CCDC150: variants seen among roughly 807,000 people sequenced by gnomAD.
CCDC150 encodes the protein coiled-coil domain-containing protein 150.
Under a neutral mutation model 156.5 loss-of-function variants are expected in CCDC150, and 151 were observed. The ratio of observed to expected loss-of-function variants is 0.97; its 90% CI spans 0.85 to 1.10. CCDC150 has a LOEUF of 1.10. Among genes scored for constraint, CCDC150 ranks in the 50% least tolerant of loss-of-function variants. CCDC150 has a pLI of 0.00. For missense variants in CCDC150, 1,312 were observed against 1,268.1 expected, an observed-to-expected ratio of 1.03 and a Z score of -0.53; for synonymous variants, 452 against 429.4, an observed-to-expected ratio of 1.05 and a Z score of -0.65.
chr2:196,691,466 G>C (rs1695468053), intron 13 of CCDC150, among the ~76,000 whole-genome samples: 1 of 151,894 alleles, frequency 6.6e-6, no homozygotes, highest in African/African-American at 2.4e-5. Flanking sequence ...GAATTTATCT[G>C]TTTCTTCTAT....
chr2:196,720,324 T>C, intron 19 of CCDC150: 1 of 448,372 alleles, frequency 2.2e-6, no homozygotes, highest in Non-Finnish European at 4.2e-6. Context: ...TTTTAAAAGG[T>C]CAAGGGAATG....
At chr2:196,692,385 C>A (rs891767648) in intron 13 of CCDC150, among the ~76,000 whole-genome samples, 1 of 151,776 alleles carries the variant, frequency 6.6e-6, no homozygotes, top group African/African-American at 2.4e-5. Context: ...CCACCCGCCT[C>A]AGCCTCCCAA....
chr2:196,677,411 G>A, intron 13 of CCDC150, 50 bp downstream of exon 13: 1 of 1,160,068 alleles, frequency 8.6e-7, no homozygotes, highest in Non-Finnish European at 1.3e-6. Context: ...CTTCTGTATT[G>A]CTGACTACCG....
chr2:196,698,142 T>A (rs1418531012), intron 14 of CCDC150, among the ~76,000 whole-genome samples: 1 of 152,216 alleles, frequency 6.6e-6, no homozygotes, highest in Non-Finnish European at 1.5e-5. Context: ...GGTTTCTAAT[T>A]TCTTGTCTCC....
intron 21 of CCDC150, 116 bp downstream of exon 21, chr2:196,721,807 T>A: frequency 1.2e-6 from 1 of 831,012 alleles, no homozygotes; most frequent in Non-Finnish European, 1.8e-6. Context: ...TACTTTGCCC[T>A]AGTACTTCCA....
At position 196,672,424 on chromosome 2, in the gene CCDC150, C is replaced by A; in HGVS notation, c.1016C>A (p.Ser339Ter). The change falls in exon 9 of 28, where the codon TCA (serine) becomes TAA (stop). Residue 339 changes from serine (S) to a stop codon, truncating the protein, a stop_gained. Transcript: ENST00000389175. LOFTEE classifies it high-confidence loss of function. The part of the protein sequence containing the change: ...RSEIMSLHEA[S>*]EKAQVLNDQL... ...GAAATAATGTCTCTTCATGAAGCATCAGAAAAAGCACAAGTAAATGCTCAT... is the reference window on the plus strand; with the variant it reads ...GAAATAATGTCTCTTCATGAAGCATAAGAAAAAGCACAAGTAAATGCTCAT... The A allele has an allele frequency of 1.3e-6, 2 of 1,508,914 alleles. No homozygotes were observed. The highest frequency in any genetic ancestry group is 1.8e-6 in the Non-Finnish European group (2 of 1,127,756). The allele number at this position is 1,508,914 out of a possible 1,614,324, so 93.5% of individuals were successfully genotyped here.
chr2:196,729,793 CA>C lies in CCDC150; in HGVS notation c.2755del (p.Ile919Ter). The part of the protein sequence containing the change: ...NNAQNIERMK[Q>X]IEKELKQMEL... ...TATGTTATTTTCCAATTACTTTTAGCAAATAGAAAAAGAATTGAAGCAAATG... is the reference window on the plus strand; with the variant it reads ...TATGTTATTTTCCAATTACTTTTAGCAATAGAAAAAGAATTGAAGCAAATG... On this transcript the variant is annotated frameshift_variant and splice_region_variant, in exon 24 of 28. Transcript: ENST00000389175. LOFTEE classifies it high-confidence loss of function. 6.4e-7 allele frequency: 1 copy of C among 1,554,624 alleles called. No homozygotes were observed.
intron 13 of CCDC150, among the ~76,000 whole-genome samples, chr2:196,682,233 AG>A (rs1559238949): frequency 6.6e-6 from 1 of 152,054 alleles, no homozygotes; most frequent in Non-Finnish European, 1.5e-5. Flanking sequence ...TCTATGGAAT[AG>A]TTTTCACTCC....
At chr2:196,656,512 T>G in intron 2 of CCDC150, 121 bp from the exon 3 acceptor site, 1 of 676,980 alleles carries the variant, frequency 1.5e-6, no homozygotes, top group Non-Finnish European at 2.5e-6. Flanking sequence ...AAGCCTGCCA[T>G]GTTGGTGATG....
At chr2:196,722,809 G>C (rs569011964) in intron 21 of CCDC150, among the ~76,000 whole-genome samples, 1 of 152,098 alleles carries the variant, frequency 6.6e-6, no homozygotes, top group Non-Finnish European at 1.5e-5. Flanking sequence ...TTGTTTCAAA[G>C]CCTGAAAATT....
rs764798345 is a variant in CCDC150 at position 196,695,155 on chromosome 2, A to G, written c.1619A>G (p.His540Arg). Residue 540 changes from histidine to arginine, a missense_variant, in exon 14 of 28, where the codon CAT becomes CGT. By Grantham distance (29) the His-to-Arg change is conservative. Transcript: ENST00000389175. ...LELQQVTSDYHGLAQQKVEKI... is the reference protein window; with the variant it reads ...LELQQVTSDYRGLAQQKVEKI... Reference sequence around the variant, plus strand: ...CTTCAGCAAGTCACTTCTGATTACCATGGGGTGGGTATAAAAAGATCAGTC... The same window carrying G: ...CTTCAGCAAGTCACTTCTGATTACCGTGGGGTGGGTATAAAAAGATCAGTC... 1 of 1,567,982 alleles carries G rather than the reference A, an allele frequency of 6.4e-7. No individual in the cohort carries two copies. Among genetic ancestry groups the G allele is most frequent in the Non-Finnish European group, 8.8e-7 (1 of 1,139,240 alleles).
Position 196,656,841 on chromosome 2 carries a change from C to G in CCDC150, c.385C>G (p.Pro129Ala), listed in dbSNP as rs1399112749. 2 of 1,613,596 alleles carry G rather than the reference C, an allele frequency of 1.2e-6. No homozygotes were observed. Among genetic ancestry groups the G allele is most frequent in the South Asian group, 1.1e-5 (1 of 91,068 alleles). The change falls in exon 3 of 28, where the codon CCT becomes GCT. Residue 129 changes from proline to alanine, a missense_variant. By Grantham distance (27) the Pro-to-Ala change is conservative. Coordinates refer to ENST00000389175, the MANE Select transcript of CCDC150 (RefSeq NM_001080539.2). ...GCTGCAAACTGAAAAGGATTTGAATCCTCAGAAAACAGGTATAGAGATAAG... is the reference window on the plus strand; with the variant it reads ...GCTGCAAACTGAAAAGGATTTGAATGCTCAGAAAACAGGTATAGAGATAAG... The part of the protein sequence containing the change: ...FRLQTEKDLN[P>A]QKTAFLKDRL...
chr2:196,674,554 TATC>T lies in CCDC150; in HGVS notation c.1137+211_1137+213del, dbSNP rs145659317. 5.4e-3 allele frequency among the ~76,000 whole-genome samples: 822 copies of T among 152,304 alleles called. 4 individuals are homozygous for T. The highest frequency in any genetic ancestry group is 0.019 in the African/African-American group (778 of 41,576). On this transcript the variant is annotated intron_variant, in intron 10 of 27. Coordinates refer to ENST00000389175, the MANE Select transcript of CCDC150 (RefSeq NM_001080539.2). ...GGGCTTTTCATGATTTCTTCTCAAA[TATC>T]ATCACTTGAGGAAAAATAATTATTT...
intron 13 of CCDC150, among the ~76,000 whole-genome samples, chr2:196,680,794 C>T (rs1208974809): frequency 1.3e-5 from 2 of 152,142 alleles, no homozygotes; most frequent in Non-Finnish European, 2.9e-5. Context: ...TGAGAAACTG[C>T]CAAACTCTTT....
At chr2:196,709,428 C>T (rs1435174121) in intron 15 of CCDC150, among the ~76,000 whole-genome samples, 1 of 152,118 alleles carries the variant, frequency 6.6e-6, no homozygotes, top group Non-Finnish European at 1.5e-5. Flanking sequence ...AGGTTTTTAG[C>T]TTCCTTGCAA....
At chr2:196,683,188 C>A (rs183687543) in intron 13 of CCDC150, among the ~76,000 whole-genome samples, 1 of 151,858 alleles carries the variant, frequency 6.6e-6, no homozygotes, top group Non-Finnish European at 1.5e-5. Flanking sequence ...TTAGAAAATT[C>A]CCCTCTATTC....
intron 2 of CCDC150, among the ~76,000 whole-genome samples, chr2:196,651,365 T>C (rs528255020): frequency 6.6e-6 from 1 of 152,346 alleles, no homozygotes; most frequent in Non-Finnish European, 1.5e-5. Context: ...GACAGTACTT[T>C]TATTAGTGAT....
chr2:196,644,269 C>T (rs1692405356), intron 1 of CCDC150, among the ~76,000 whole-genome samples: 2 of 152,174 alleles, frequency 1.3e-5, no homozygotes, highest in African/African-American at 2.4e-5. Context: ...TGTCTGCGCA[C>T]ACCCTATTAG....
intron 17 of CCDC150, among the ~76,000 whole-genome samples, chr2:196,716,668 A>C: frequency 6.6e-6 from 1 of 152,148 alleles, no homozygotes; most frequent in East Asian, 1.9e-4. Flanking sequence ...GAGATGATGG[A>C]AATGTTCAAT....
Sources: allele counts gnomAD v4.1 joint callset (sites outside exome capture counted in the v4.1 genomes callset), GRCh38; gene constraint gnomAD v4.1.1; transcripts MANE v1.5; gene names NCBI Gene and HGNC (gene_info 2026-07-23, HGNC 2026-07-21).